The following SESTD1 variants were observed in gnomAD, a reference collection of about 807,000 sequenced individuals.
The protein encoded by SESTD1 is SEC14 domain and spectrin repeat-containing protein 1.
A neutral mutation model predicts 101.7 loss-of-function variants in SESTD1; 43 were observed. The observed-to-expected ratio is 0.42, with a 90% confidence interval of 0.33 to 0.55. The LOEUF (loss-of-function observed/expected upper bound fraction) is 0.55, where lower values mean the gene tolerates loss of function less well. SESTD1 is among the 20% of genes least tolerant of loss of function. The pLI, the probability that SESTD1 is intolerant of heterozygous loss-of-function variation, is 0.07. For synonymous variants in SESTD1, 283 were observed against 286.8 expected, an observed-to-expected ratio of 0.99 and a Z score of 0.13; for missense variants, 647 against 815.1, an observed-to-expected ratio of 0.79 and a Z score of 2.51.
At chr2:179,115,703 G>C (rs1175512893) in intron 15 of SESTD1, among the ~76,000 whole-genome samples, 1 of 152,130 alleles carries the variant, frequency 6.6e-6, no homozygotes, top group Non-Finnish European at 1.5e-5. Context: ...CGCTATGATT[G>C]TGCTGAAACA....
chr2:179,185,898 GTATAT>G (rs1468743436), intron 2 of SESTD1, among the ~76,000 whole-genome samples: 3 of 132,466 alleles, frequency 2.3e-5, no homozygotes, highest in Non-Finnish European at 3.1e-5. Context: ...ATACAATATA[GTATAT>G]TATATACAAT....
chr2:179,259,605 T>A (rs187763630), intron 1 of SESTD1, among the ~76,000 whole-genome samples: 106 of 152,218 alleles, frequency 7.0e-4, no homozygotes, highest in Non-Finnish European at 8.8e-4. Context: ...AGCCAATGGC[T>A]AATAAACATA....
chr2:179,124,238 C>A, intron 11 of SESTD1, 126 bp downstream of exon 11: 1 of 846,432 alleles, frequency 1.2e-6, no homozygotes, highest in Admixed American at 2.9e-5. Context: ...CTCATTACCC[C>A]CACCAGTAAT....
intron 1 of SESTD1, among the ~76,000 whole-genome samples, chr2:179,262,351 A>G (rs187636089): frequency 2.1e-4 from 32 of 152,326 alleles, no homozygotes; most frequent in African/African-American, 6.7e-4. Context: ...TCTATGGCAT[A>G]TGAATTATAT....
At chr2:179,254,919 T>C (rs987622914) in intron 1 of SESTD1, among the ~76,000 whole-genome samples, 1 of 152,244 alleles carries the variant, frequency 6.6e-6, no homozygotes, top group Non-Finnish European at 1.5e-5. Flanking sequence ...TGTCACATTT[T>C]GGTAATTCTC....
intron 1 of SESTD1, among the ~76,000 whole-genome samples, chr2:179,246,940 G>C (rs1391559961): frequency 1.3e-5 from 2 of 152,086 alleles, no homozygotes; most frequent in African/African-American, 2.4e-5. Context: ...CAACTTTGAG[G>C]AGTTTATGAA....
At chr2:179,155,986 G>A (rs941608666) in intron 5 of SESTD1, among the ~76,000 whole-genome samples, 3 of 152,062 alleles carry the variant, frequency 2.0e-5, no homozygotes, top group Non-Finnish European at 4.4e-5. Context: ...GAGAACACAC[G>A]ATGTTTGGTT....
At chr2:179,122,410 A>G (rs6433757) in intron 12 of SESTD1, among the ~76,000 whole-genome samples, 68,380 of 152,058 alleles carry the variant, frequency 0.45, 18,222 homozygotes, top group African/African-American at 0.75. Context: ...GTGACTAAAG[A>G]TACAGTCTAG....
At chr2:179,175,835 A>C (rs1012499648) in intron 4 of SESTD1, among the ~76,000 whole-genome samples, 3 of 152,240 alleles carry the variant, frequency 2.0e-5, no homozygotes, top group Admixed American at 6.5e-5. Context: ...AGGAAACATA[A>C]AACACAAGAC....
chr2:179,222,862 T>C (rs745712796), intron 1 of SESTD1, among the ~76,000 whole-genome samples: 11 of 152,112 alleles, frequency 7.2e-5, no homozygotes, highest in Non-Finnish European at 1.3e-4. Flanking sequence ...CCAGTGCTTC[T>C]CTCCACTATA....
At position 179,112,822 on chromosome 2, in the gene SESTD1, C is replaced by T. The variant is rs1410460178; in HGVS notation, c.1863G>A (p.Glu621=). 1.2e-6 allele frequency: 2 copies of T among 1,611,996 alleles called. No individual in the cohort carries two copies. Among genetic ancestry groups the T allele is most frequent in the South Asian group, 2.2e-5 (2 of 90,910 alleles). The part of the protein sequence containing the change: ...AEKILQDCPE[E]PEAINDEEQF... ...GCTCCTCATCATTAATAGCTTCAGGCTCTTCTGGACAGTCCTGCAAAATCT... is the reference window on the plus strand; with the variant it reads ...GCTCCTCATCATTAATAGCTTCAGGTTCTTCTGGACAGTCCTGCAAAATCT... Residue 621 remains glutamate, a synonymous_variant, in exon 17 of 18, where the codon GAG becomes GAA. Coordinates refer to ENST00000428443, the MANE Select transcript of SESTD1 (RefSeq NM_178123.5).
At chr2:179,137,868 C>A (rs1019338672) in intron 9 of SESTD1, among the ~76,000 whole-genome samples, 1 of 152,108 alleles carries the variant, frequency 6.6e-6, no homozygotes, top group Non-Finnish European at 1.5e-5. Context: ...TATCTTTAAA[C>A]AAGCAAAAAA....
At chr2:179,261,302 A>G (rs530833736) in intron 1 of SESTD1, among the ~76,000 whole-genome samples, 27 of 152,322 alleles carry the variant, frequency 1.8e-4, no homozygotes, top group African/African-American at 6.5e-4. Flanking sequence ...TCACTTTGTC[A>G]CTAATCAACC....
At chr2:179,147,167 AC>A (rs1337627919) in intron 7 of SESTD1, among the ~76,000 whole-genome samples, 2 of 148,688 alleles carry the variant, frequency 1.3e-5, no homozygotes, top group Non-Finnish European at 3.0e-5. Flanking sequence ...GAAAAAAAAA[AC>A]AGACAGCTGA....
At chr2:179,110,494 G>C (rs1305284454) in intron 17 of SESTD1, among the ~76,000 whole-genome samples, 1 of 152,118 alleles carries the variant, frequency 6.6e-6, no homozygotes, top group East Asian at 1.9e-4. Flanking sequence ...TACTCTCAAA[G>C]ATACTGTATT....
At chr2:179,228,683 G>C (rs1389020677) in intron 1 of SESTD1, among the ~76,000 whole-genome samples, 1 of 152,226 alleles carries the variant, frequency 6.6e-6, no homozygotes, top group Non-Finnish European at 1.5e-5. Flanking sequence ...CAAGGTGTTA[G>C]TGGCCATGTA....
chr2:179,254,914 CATTTTGGTAATT>C, intron 1 of SESTD1, among the ~76,000 whole-genome samples: 1 of 152,304 alleles, frequency 6.6e-6, no homozygotes, highest in East Asian at 1.9e-4. Context: ...TTCTGTGTCA[CATTTTGGTAATT>C]CTCACAACAT....
intron 12 of SESTD1, among the ~76,000 whole-genome samples, chr2:179,122,586 A>T (rs1262779865): frequency 6.6e-6 from 1 of 152,182 alleles, no homozygotes; most frequent in Non-Finnish European, 1.5e-5. Context: ...TATGCATACC[A>T]TCTGTTAAAA....
chr2:179,248,909 T>C (rs1402230346), intron 1 of SESTD1, among the ~76,000 whole-genome samples: 1 of 148,956 alleles, frequency 6.7e-6, no homozygotes, highest in Non-Finnish European at 1.5e-5. Context: ...AGGGAAACCC[T>C]GTCTGTACAA....
Sources: allele counts gnomAD v4.1 joint callset (sites outside exome capture counted in the v4.1 genomes callset), GRCh38; gene constraint gnomAD v4.1.1; transcripts MANE v1.5; gene names NCBI Gene and HGNC (gene_info 2026-07-23, HGNC 2026-07-21).